CSMD1: variants seen among roughly 807,000 people sequenced by gnomAD.
CSMD1 encodes the protein CUB and sushi domain-containing protein 1.
CSMD1 carries 213 observed loss-of-function variants against 417.5 expected under a neutral mutation model. The observed-to-expected ratio is 0.51, with a 90% CI of 0.46 to 0.57. The LOEUF (loss-of-function observed/expected upper bound fraction) is 0.57. Ranked by LOEUF, CSMD1 falls within the 20% of genes least tolerant of loss-of-function variation. CSMD1 has a pLI of 0.00. For synonymous variants in CSMD1, 2,862 were observed against 1,736.8 expected (o/e 1.65, Z -16.11); for missense variants, 6,923 against 4,529.7 (o/e 1.53, Z -15.17).
intron 26 of CSMD1, among the ~76,000 whole-genome samples, chr8:3,252,863 G>A (rs563358662): frequency 6.6e-6 from 1 of 152,244 alleles, no homozygotes; most frequent in Non-Finnish European, 1.5e-5. Context: ...GGTGTTTATA[G>A]TATTCTCTGA....
chr8:4,517,415 C>G (rs535422666), intron 2 of CSMD1, among the ~76,000 whole-genome samples: 2 of 152,122 alleles, frequency 1.3e-5, no homozygotes, highest in Non-Finnish European at 1.5e-5. Flanking sequence ...GCCTATAACA[C>G]GCAGATAATA....
chr8:3,564,537 G>GTGTGTGTGTGTT (rs1314415633), intron 10 of CSMD1, among the ~76,000 whole-genome samples: 1 of 151,720 alleles, frequency 6.6e-6, no homozygotes, highest in Admixed American at 6.6e-5. Context: ...GTGTGTGTGT[G>GTGTGTGTGTGTT]TGTGTGTGTG....
intron 12 of CSMD1, among the ~76,000 whole-genome samples, chr8:3,422,053 T>G (rs766858411): frequency 7.4e-4 from 109 of 146,998 alleles, no homozygotes; most frequent in Non-Finnish European, 8.8e-5. Flanking sequence ...TGTCCAGCCC[T>G]GATGTCCTAG....
At chr8:3,210,918 T>G (rs1481886658) in intron 30 of CSMD1, among the ~76,000 whole-genome samples, 1 of 152,052 alleles carries the variant, frequency 6.6e-6, no homozygotes, top group Non-Finnish European at 1.5e-5. Context: ...GCTACCTACT[T>G]TTATCTCCCT....
chr8:3,818,149 T>C (rs887747251), intron 5 of CSMD1, among the ~76,000 whole-genome samples: 10 of 152,074 alleles, frequency 6.6e-5, no homozygotes, highest in Admixed American at 5.2e-4. Context: ...CTAAGGGTAG[T>C]GCCTCCTCTG....
Position 3,966,749 on chromosome 8 carries a change from ACACACGCGCG to A in CSMD1, c.818+31144_818+31153del, listed in dbSNP as rs1482694940. 1.3e-3 allele frequency among the ~76,000 whole-genome samples: 137 copies of A among 102,618 alleles called. 2 individuals carry two copies. Among genetic ancestry groups the A allele is most frequent in the African/African-American group, 4.7e-3 (123 of 26,410 alleles). The allele number at this position is 102,618 out of a possible 152,430, so 67.3% of individuals were successfully genotyped here. A position where few individuals can be genotyped will look rare whatever the true frequency, so the allele number is the denominator to read the frequency against. ...CACACACAGACACACACACACACAC[ACACACGCGCG>A]CGCGCGCACACACACTGATTTATAG... On this transcript the variant is annotated intron_variant, in intron 5 of 69. Coordinates refer to ENST00000635120, the MANE Select transcript of CSMD1 (RefSeq NM_033225.6).
At chr8:3,785,945 G>C (rs910669450) in intron 5 of CSMD1, among the ~76,000 whole-genome samples, 1 of 152,216 alleles carries the variant, frequency 6.6e-6, no homozygotes, top group African/African-American at 2.4e-5. Flanking sequence ...ATGGAAGGCA[G>C]ACAATTGGGT....
chr8:4,108,043 GAGAGACAGAGAC>G (rs67864387), intron 3 of CSMD1, among the ~76,000 whole-genome samples: 2 of 182 alleles, frequency 0.011, no homozygotes, highest in East Asian at 0.1. Context: ...GAGAGAGAAA[GAGAGACAGAGAC>G]AGAGACAGAG....
intron 2 of CSMD1, among the ~76,000 whole-genome samples, chr8:4,566,361 G>C (rs1798605985): frequency 6.6e-6 from 1 of 151,922 alleles, no homozygotes; most frequent in South Asian, 2.1e-4. Context: ...TGGTTTATAA[G>C]AAATTTAGTT....
intron 1 of CSMD1, among the ~76,000 whole-genome samples, chr8:4,648,698 G>A (rs563614351): frequency 6.6e-6 from 1 of 152,092 alleles, no homozygotes; most frequent in East Asian, 1.9e-4. Flanking sequence ...AACATTTACA[G>A]TTGTGCTTTT....
At chr8:4,768,928 C>T (rs915620088) in intron 1 of CSMD1, among the ~76,000 whole-genome samples, 15 of 152,248 alleles carry the variant, frequency 9.9e-5, no homozygotes, top group African/African-American at 3.6e-4. Context: ...GTTATTGATT[C>T]CTCACCATTT....
intron 25 of CSMD1, among the ~76,000 whole-genome samples, chr8:3,294,310 T>C (rs1055842901): frequency 6.6e-6 from 1 of 152,178 alleles, no homozygotes; most frequent in African/African-American, 2.4e-5. Context: ...TTCTGAGATC[T>C]CAAGCTGTGT....
At chr8:4,423,421 C>G (rs1338827278) in intron 2 of CSMD1, among the ~76,000 whole-genome samples, 1 of 151,756 alleles carries the variant, frequency 6.6e-6, no homozygotes, top group African/African-American at 2.4e-5. Flanking sequence ...TAGCAATGAA[C>G]ACGTTGACAT....
chr8:3,381,169 T>C (rs1810604581), intron 18 of CSMD1, among the ~76,000 whole-genome samples: 1 of 151,810 alleles, frequency 6.6e-6, no homozygotes, highest in Non-Finnish European at 1.5e-5. Context: ...ACATTCAGAG[T>C]ACTACAACTT....
chr8:3,929,580 A>C (rs758915032), intron 5 of CSMD1, among the ~76,000 whole-genome samples: 5 of 150,742 alleles, frequency 3.3e-5, no homozygotes, highest in Non-Finnish European at 7.4e-5. Context: ...TCATGTTATA[A>C]GATAAAAAAT....
rs958688478 is a variant in CSMD1, at chr8:3,318,423, A to C, written c.3632-9920T>G. ...CCTGCTCGGCTTCAGATATTTTGCT[A>C]GACGCCGAAGATACAAAATTAACTG... On this transcript the variant is annotated intron_variant, in intron 23 of 69. Coordinates refer to ENST00000635120, the MANE Select transcript of CSMD1 (RefSeq NM_033225.6). 3.9e-5 allele frequency among the ~76,000 whole-genome samples: 6 copies of C among 152,346 alleles called. No homozygotes were observed. The South Asian group carries it at 1.2e-3, about 32-fold the overall frequency.
At chr8:4,124,716 T>G (rs1226119568) in intron 3 of CSMD1, among the ~76,000 whole-genome samples, 6 of 152,172 alleles carry the variant, frequency 3.9e-5, no homozygotes, top group Admixed American at 3.9e-4. Context: ...AGGGGGCTTT[T>G]CCCTAAGCCA....
intron 22 of CSMD1, among the ~76,000 whole-genome samples, chr8:3,346,203 G>T (rs542038675): frequency 6.6e-6 from 1 of 151,938 alleles, no homozygotes; most frequent in Non-Finnish European, 1.5e-5. Flanking sequence ...TGAGAAGCAC[G>T]TTTTTTTAAA....
At chr8:3,245,870 T>G (rs1172468291) in intron 26 of CSMD1, among the ~76,000 whole-genome samples, 2 of 152,190 alleles carry the variant, frequency 1.3e-5, no homozygotes, top group East Asian at 3.9e-4. Context: ...GAAAGAGATT[T>G]CTTTGCAATT....
Sources: allele counts gnomAD v4.1 joint callset (sites outside exome capture counted in the v4.1 genomes callset), GRCh38; gene constraint gnomAD v4.1.1; transcripts MANE v1.5; gene names NCBI Gene and HGNC (gene_info 2026-07-23, HGNC 2026-07-21).